FAM149A: variants seen among roughly 807,000 people sequenced by gnomAD.
The protein encoded by FAM149A is family with sequence similarity 149 member A, also known as protein FAM149A.
FAM149A carries 71 observed loss-of-function variants against 78.2 expected under a neutral mutation model. The ratio of observed to expected loss-of-function variants is 0.91; its 90% CI spans 0.75 to 1.11. The LOEUF (loss-of-function observed/expected upper bound fraction) is 1.11, where lower values mean the gene tolerates loss of function less well. Among genes scored for constraint, FAM149A ranks in the 50% least tolerant of loss-of-function variants. FAM149A has a pLI of 0.00. For missense variants in FAM149A, 1,036 were observed against 971.0 expected, an observed-to-expected ratio of 1.07 and a Z score of -0.89; for synonymous variants, 446 against 410.5, an observed-to-expected ratio of 1.09 and a Z score of -1.04.
intron 1 of FAM149A, chr4:186,132,078 A>G: frequency 1.0e-6 from 1 of 985,478 alleles, no homozygotes; most frequent in Admixed American, 6.1e-5. Flanking sequence ...AAGCTTAGCA[A>G]CACAGATAAC....
chr4:186,144,721 C>T lies in FAM149A; in HGVS notation c.567-4452C>T. 1 of 360,276 alleles carries T rather than the reference C, an allele frequency of 2.8e-6. No homozygotes were observed. Among genetic ancestry groups the T allele is most frequent in the African/African-American group, 3.9e-5 (1 of 25,484 alleles). 22.3% of individuals were successfully genotyped at this position (360,276 alleles called of 1,614,324 possible). A position where few individuals can be genotyped will look rare whatever the true frequency, so the allele number is the denominator to read the frequency against. On this transcript the variant is annotated intron_variant, in intron 1 of 13. Transcript: ENST00000389354. The surrounding 1 kb of genome is among the most constrained non-coding windows in gnomAD (Gnocchi z 4.2). ...GAAGGCGCGCTTTCCCGGAGGTCGG[C>T]GCGGGGCCGGGGCCGGGGCCGGGGC...
chr4:186,148,156 G>T (rs139566694), intron 1 of FAM149A, among the ~76,000 whole-genome samples: 12,602 of 152,130 alleles, frequency 0.083, 887 homozygotes, highest in African/African-American at 0.19. Flanking sequence ...GTGAAACCCT[G>T]TCTCTACTAA....
At position 186,144,930 on chromosome 4, in the gene FAM149A, CGCG is replaced by C. The variant is rs1732892744; in HGVS notation, c.567-4241_567-4239del. 8.9e-5 allele frequency: 1 copy of C among 11,254 alleles called. No individual in the cohort carries two copies. The highest frequency in any genetic ancestry group is 1.1e-4 in the Non-Finnish European group (1 of 9,214). 0.7% of individuals were successfully genotyped at this position (11,254 alleles called of 1,614,324 possible). A position where few individuals can be genotyped will look rare whatever the true frequency, so the allele number is the denominator to read the frequency against. On this transcript the variant is annotated intron_variant, in intron 1 of 13. Coordinates refer to ENST00000389354, the MANE Select transcript of FAM149A (RefSeq NM_001367768.3). This position sits in a 1 kb window ranked among gnomAD's most constrained non-coding sequence, Gnocchi z 4.2. Reference sequence around the variant, plus strand: ...TGAGCTGGGCCAGCCGCGCGGCGGGCGCGGGCGCGGGCGCGGGCGCGGGCGCGG... The same window carrying C: ...TGAGCTGGGCCAGCCGCGCGGCGGGCGGCGCGGGCGCGGGCGCGGGCGCGG...
Position 186,172,013 on chromosome 4 carries a change from C to T in FAM149A, c.*26C>T. 3 of 1,607,058 alleles carry T rather than the reference C, an allele frequency of 1.9e-6. No homozygotes were observed. Among genetic ancestry groups the T allele is most frequent in the Middle Eastern group, 1.7e-4 (1 of 6,042 alleles). On this transcript the variant is annotated 3_prime_UTR_variant, in exon 14 of 14. Transcript: ENST00000389354. ...AACCACCTCACCAGAACCATTGGAG[C>T]ACCTGTGGCCTCGGCACACTGCTTA...
At chr4:186,158,410 C>T (rs55701419) in intron 8 of FAM149A, 192,663 of 1,182,478 alleles carry the variant, frequency 0.16, 16,026 homozygotes, top group Admixed American at 0.23. Context: ...GGGGTGGCTG[C>T]TGGCTCAGGG....
chr4:186,137,419 T>C (rs1433832588), intron 1 of FAM149A, among the ~76,000 whole-genome samples: 1 of 152,166 alleles, frequency 6.6e-6, no homozygotes, highest in Non-Finnish European at 1.5e-5. Context: ...ATGTGCATGG[T>C]ATGATATGTG....
At chr4:186,116,901 G>A (rs371769366) in intron 1 of FAM149A, 24 of 273,264 alleles carry the variant, frequency 8.8e-5, no homozygotes, top group African/African-American at 1.4e-4. Context: ...TCAGCATTGC[G>A]TAATCATAAC....
chr4:186,159,049 T>TA lies in FAM149A; in HGVS notation c.1575+1331dup, dbSNP rs143021475. On this transcript the variant is annotated intron_variant, in intron 8 of 13. Coordinates refer to ENST00000389354, the MANE Select transcript of FAM149A (RefSeq NM_001367768.3). ...AGATTAAAAAAATGCTTTCCCCTAATATTTCGAGCTAGTTTGAAAATTATA... is the reference window on the plus strand; with the variant it reads ...AGATTAAAAAAATGCTTTCCCCTAATAATTTCGAGCTAGTTTGAAAATTATA... 8.5e-3 allele frequency among the ~76,000 whole-genome samples: 1,294 copies of TA among 152,338 alleles called. 21 individuals are homozygous for TA. The highest frequency in any genetic ancestry group is 0.029 in the African/African-American group (1,226 of 41,570).
intron 1 of FAM149A, among the ~76,000 whole-genome samples, chr4:186,141,286 C>T (rs144254168): frequency 5.4e-4 from 82 of 152,198 alleles, no homozygotes; most frequent in African/African-American, 1.9e-3. Context: ...GTAAAATACA[C>T]ACTGGATTTC....
intron 8 of FAM149A, among the ~76,000 whole-genome samples, chr4:186,160,058 C>T (rs1436916921): frequency 1.4e-5 from 2 of 142,880 alleles, no homozygotes; most frequent in African/African-American, 5.2e-5. Flanking sequence ...ACATACCATA[C>T]ACCACGCACA....
At position 186,164,547 on chromosome 4, in the gene FAM149A, T is replaced by TTTGGGACTGATGTTTCCAGCTGTG. The variant is rs1734867463; in HGVS notation, c.1890-791_1890-768dup. On this transcript the variant is annotated intron_variant, in intron 10 of 13. Transcript: ENST00000389354. This position sits in a 1 kb window ranked among gnomAD's most constrained non-coding sequence, Gnocchi z 4.0. ...TAATTGGTGACTGTTTCTTTCACAGTTTGGGACTGATGTTTCCAGCTGTGT... is the reference window on the plus strand; with the variant it reads ...TAATTGGTGACTGTTTCTTTCACAGTTTGGGACTGATGTTTCCAGCTGTGTTGGGACTGATGTTTCCAGCTGTGT... 1.1e-6 allele frequency: 1 copy of TTTGGGACTGATGTTTCCAGCTGTG among 916,002 alleles called. No individual in the cohort carries two copies. The highest frequency in any genetic ancestry group is 1.8e-5 in the African/African-American group (1 of 55,846). The allele number at this position is 916,002 out of a possible 1,614,324, so 56.7% of individuals were successfully genotyped here. A position where few individuals can be genotyped will look rare whatever the true frequency, so the allele number is the denominator to read the frequency against.
At chr4:186,159,692 G>C (rs1024597089) in intron 8 of FAM149A, among the ~76,000 whole-genome samples, 3 of 152,064 alleles carry the variant, frequency 2.0e-5, no homozygotes, top group Admixed American at 2.0e-4. Context: ...CATACTGAGC[G>C]CGTAATAAAT....
In FAM149A at chr4:186,165,423, AG is replaced by A; in HGVS notation, c.1974del (p.Gln659ArgfsTer23). 1 of 1,614,108 alleles carries A rather than the reference AG, an allele frequency of 6.2e-7. No individual in the cohort carries two copies. The highest frequency in any genetic ancestry group is 2.2e-5 in the East Asian group (1 of 44,876). On this transcript the variant is annotated frameshift_variant, in exon 11 of 14. Coordinates refer to ENST00000389354, the MANE Select transcript of FAM149A (RefSeq NM_001367768.3). LOFTEE classifies it high-confidence loss of function. ...GTTCCCCCCGCTAGTCACGGAGACC[AG>A]GGGGCAGAATACAGCAGTTCCTGGA...
chr4:186,164,505 C>T lies in FAM149A; in HGVS notation c.1890-839C>T. The T allele has an allele frequency of 1.0e-6, 1 of 984,226 alleles. No individual in the cohort carries two copies. Among genetic ancestry groups the T allele is most frequent in the Non-Finnish European group, 1.2e-6 (1 of 829,018 alleles). 61.0% of individuals were successfully genotyped at this position (984,226 alleles called of 1,614,324 possible). On this transcript the variant is annotated intron_variant, in intron 10 of 13. Coordinates refer to ENST00000389354, the MANE Select transcript of FAM149A (RefSeq NM_001367768.3). The surrounding 1 kb of genome is among the most constrained non-coding windows in gnomAD (Gnocchi z 4.0). The stretch of plus-strand genomic sequence containing the variant: ...AGACTTTTTCCAGATGCAGTCATAA[C>T]CCCCCTTTCAGCTTTTTAATTGGTG...
intron 13 of FAM149A, among the ~76,000 whole-genome samples, chr4:186,170,665 G>A (rs919854722): frequency 4.6e-5 from 7 of 152,164 alleles, no homozygotes; most frequent in African/African-American, 1.7e-4. Context: ...GTGGTGTGCA[G>A]GGGTCCCTGG....
chr4:186,135,407 T>C (rs1049299242), intron 1 of FAM149A, among the ~76,000 whole-genome samples: 2 of 152,146 alleles, frequency 1.3e-5, no homozygotes, highest in Non-Finnish European at 2.9e-5. Flanking sequence ...CAGTTCTCAT[T>C]ATCCCTGGTA....
At position 186,144,664 on chromosome 4, in the gene FAM149A, T is replaced by C. The variant is rs1001522682; in HGVS notation, c.567-4509T>C. Reference sequence around the variant, plus strand: ...GGGCCGTGCGCGGAGGAGTGGCCGCTGGGTTGGAAACCCGGCCCGGCAGGG... The same window carrying C: ...GGGCCGTGCGCGGAGGAGTGGCCGCCGGGTTGGAAACCCGGCCCGGCAGGG... On this transcript the variant is annotated intron_variant, in intron 1 of 13. Coordinates refer to ENST00000389354, the MANE Select transcript of FAM149A (RefSeq NM_001367768.3). This position sits in a 1 kb window ranked among gnomAD's most constrained non-coding sequence, Gnocchi z 4.2. 2 of 320,276 alleles carry C rather than the reference T, an allele frequency of 6.2e-6. No individual in the cohort carries two copies. The highest frequency in any genetic ancestry group is 4.5e-6 in the Non-Finnish European group (1 of 221,530). The allele number at this position is 320,276 out of a possible 1,614,324, so 19.8% of individuals were successfully genotyped here.
intron 1 of FAM149A, chr4:186,109,693 C>T (rs2099310393): frequency 1.0e-6 from 1 of 982,296 alleles, no homozygotes; most frequent in Non-Finnish European, 1.2e-6. Context: ...TTACTACCTG[C>T]TTCTTGGCAC....
rs755848805 is a variant in FAM149A, at chr4:186,151,887, G to A, written c.790-16G>A. The stretch of plus-strand genomic sequence containing the variant: ...GTAACTTGCAGTGTTGTAACCAAGT[G>A]TGCATTTCTGTTTAGGAATTTGACG... On this transcript the variant is annotated splice_polypyrimidine_tract_variant and intron_variant, in intron 3 of 13. Coordinates refer to ENST00000389354, the MANE Select transcript of FAM149A (RefSeq NM_001367768.3). 2 of 1,613,426 alleles carry A rather than the reference G, an allele frequency of 1.2e-6. No individual in the cohort carries two copies. The highest frequency in any genetic ancestry group is 1.7e-6 in the Non-Finnish European group (2 of 1,179,614).
Sources: gnomAD v4.1 joint callset for allele counts (sites outside exome capture counted in the v4.1 genomes callset) on GRCh38, gnomAD v4.1.1 for gene constraint, Gnocchi (gnomAD v3.1) non-coding constraint, MANE v1.5 for transcripts, NCBI Gene and HGNC (gene_info 2026-07-23, HGNC 2026-07-21) for gene names.